RASGRP1: variants seen among roughly 807,000 people sequenced by gnomAD.
RASGRP1 encodes RAS guanyl releasing protein 1, also known as RAS guanyl-releasing protein 1.
Under a neutral mutation model 95.1 loss-of-function variants are expected in RASGRP1, and 37 were observed. The ratio of observed to expected loss-of-function variants is 0.39; its 90% CI spans 0.30 to 0.51. RASGRP1 has a LOEUF of 0.51. Among genes scored for constraint, RASGRP1 ranks in the 20% least tolerant of loss-of-function variants. The pLI, the probability that RASGRP1 is intolerant of heterozygous loss-of-function variation, is 0.80. For missense variants in RASGRP1, 711 were observed against 965.4 expected, an observed-to-expected ratio of 0.74 and a Z score of 3.49; for synonymous variants, 325 against 353.4, an observed-to-expected ratio of 0.92 and a Z score of 0.90.
At chr15:38,523,575 T>C (rs1445451711) in intron 3 of RASGRP1, among the ~76,000 whole-genome samples, 1 of 152,216 alleles carries the variant, frequency 6.6e-6, no homozygotes, top group Non-Finnish European at 1.5e-5. Context: ...ATAGTGTTTA[T>C]AAAACCTACA....
chr15:38,507,818 G>C lies in RASGRP1; in HGVS notation c.1150C>G (p.Leu384Val), dbSNP rs1423199679. 1.9e-6 allele frequency: 3 copies of C among 1,612,998 alleles called. No homozygotes were observed. The highest frequency in any genetic ancestry group is 2.5e-6 in the Non-Finnish European group (3 of 1,179,688). ...EDGKVNVHKL[L>V]ALYNHISELV... ...TCACTGATATGATTGTATAGGGCCA[G>C]TAGCTTATGGACGTTCACTTTCCCG... is the stretch of plus-strand genomic sequence containing the variant. Residue 384 changes from leucine to valine, a missense_variant, in exon 9 of 17, where the codon CTG becomes GTG. This residue lies in a region of RASGRP1 where 491 missense variants were observed against 676.6 expected (regional missense o/e 0.73). Transcript: ENST00000310803.
chr15:38,525,596 C>T (rs183796626), intron 3 of RASGRP1, among the ~76,000 whole-genome samples: 5 of 152,152 alleles, frequency 3.3e-5, no homozygotes, highest in Non-Finnish European at 4.4e-5. Flanking sequence ...TAAGATGAAA[C>T]GCGGGGAATT....
At chr15:38,502,223 T>G in intron 12 of RASGRP1, 89 bp downstream of exon 12, 1 of 891,342 alleles carries the variant, frequency 1.1e-6, no homozygotes, top group Admixed American at 2.5e-5. Context: ...GCAACATATC[T>G]GAGTTTTCAA....
At chr15:38,555,553 G>T (rs1243020949) in intron 2 of RASGRP1, among the ~76,000 whole-genome samples, 1 of 152,190 alleles carries the variant, frequency 6.6e-6, no homozygotes, top group East Asian at 1.9e-4. Flanking sequence ...TGGCTGCTAG[G>T]GGTAGGGGAA....
intron 2 of RASGRP1, among the ~76,000 whole-genome samples, chr15:38,544,407 C>T (rs1893028446): frequency 1.3e-5 from 2 of 152,156 alleles, no homozygotes; most frequent in South Asian, 4.1e-4. Flanking sequence ...GTTTGAATGT[C>T]CCTCCAAAAT....
chr15:38,499,178 C>T, intron 14 of RASGRP1: 1 of 673,592 alleles, frequency 1.5e-6, no homozygotes, highest in Non-Finnish European at 2.7e-6. Flanking sequence ...AAGCAGTATC[C>T]TGATATCTTG....
At chr15:38,511,404 C>T (rs1191213635) in intron 8 of RASGRP1, among the ~76,000 whole-genome samples, 200 bp downstream of exon 8, 1 of 152,164 alleles carries the variant, frequency 6.6e-6, no homozygotes, top group Non-Finnish European at 1.5e-5. Context: ...TGTCTGAGGC[C>T]AGACAAAATC....
rs61759869 is a variant in RASGRP1, at chr15:38,501,278, G to A, written c.1548C>T (p.Leu516=). ...AGGCTGTGATCTCATCCCTGCTGAT[G>A]AGGCCTTCCCTGCCGGCAGATGACC... ...FCVMDKDREG[L]ISRDEITAYF... Residue 516 remains leucine, a synonymous_variant, in exon 13 of 17, where the codon CTC becomes CTT. Transcript: ENST00000310803. The A allele has an allele frequency of 4.1e-3, 6,687 of 1,613,032 alleles. 21 individuals are homozygous for A. Among genetic ancestry groups the A allele is most frequent in the Non-Finnish European group, 5.2e-3 (6,135 of 1,179,294 alleles).
intron 9 of RASGRP1, among the ~76,000 whole-genome samples, chr15:38,507,350 C>T (rs1168961926): frequency 7.0e-6 from 1 of 143,234 alleles, no homozygotes; most frequent in East Asian, 2.2e-4. Context: ...AAATTACTGC[C>T]TGCCCTTTTT....
chr15:38,558,991 C>A (rs1290911981), intron 2 of RASGRP1, among the ~76,000 whole-genome samples: 2 of 151,988 alleles, frequency 1.3e-5, no homozygotes, highest in Non-Finnish European at 2.9e-5. Flanking sequence ...CTCTGCTTCA[C>A]CGTGGGAGAT....
intron 15 of RASGRP1, among the ~76,000 whole-genome samples, chr15:38,495,777 C>A (rs533188593): frequency 2.1e-4 from 32 of 151,900 alleles, no homozygotes; most frequent in Non-Finnish European, 3.2e-4. Context: ...AAAATAATTA[C>A]ATTTTTTTTT....
chr15:38,503,489 T>A lies in RASGRP1; in HGVS notation c.1324-113A>T, dbSNP rs886712900. 20 of 866,524 alleles carry A rather than the reference T, an allele frequency of 2.3e-5. No individual in the cohort carries two copies. In the Admixed American group the frequency reaches 4.3e-4, roughly 19 times the overall value. 53.7% of individuals were successfully genotyped at this position (866,524 alleles called of 1,614,324 possible). ...CATTTATGGACAATCTTCAATTATG[T>A]TCAGTGGCAAGGAGCAGAGAACCCA... is the stretch of plus-strand genomic sequence containing the variant. On this transcript the variant is annotated intron_variant, in intron 10 of 16. Coordinates refer to ENST00000310803, the MANE Select transcript of RASGRP1 (RefSeq NM_005739.4).
chr15:38,509,382 A>C (rs567555118), intron 8 of RASGRP1, among the ~76,000 whole-genome samples: 23 of 152,306 alleles, frequency 1.5e-4, no homozygotes, highest in Admixed American at 9.1e-4. Flanking sequence ...AAAGAATGGA[A>C]TGGGATGGCT....
In RASGRP1 at chr15:38,526,288, T is replaced by A. The variant is rs200224416; in HGVS notation, c.326+11A>T. 3.1e-6 allele frequency: 5 copies of A among 1,604,030 alleles called. No individual in the cohort carries two copies. The highest frequency in any genetic ancestry group is 4.3e-6 in the Non-Finnish European group (5 of 1,171,278). On this transcript the variant is annotated intron_variant, in intron 3 of 16. Transcript: ENST00000310803. Reference sequence around the variant, plus strand: ...CATTTTGGGATTGCCAGTCACTATGTTAAAGGATATAGGGTGATAACTTTT... The same window carrying A: ...CATTTTGGGATTGCCAGTCACTATGATAAAGGATATAGGGTGATAACTTTT...
In RASGRP1 at chr15:38,511,592, A is replaced by G. The variant is rs777863737; in HGVS notation, c.966+12T>C. On this transcript the variant is annotated intron_variant, in intron 8 of 16. Transcript: ENST00000310803. Reference sequence around the variant, plus strand: ...TGCTGCTAAGGGCCCCAGAGAAGACAGTAGCACTGACCTTATTGATTTCAT... The same window carrying G: ...TGCTGCTAAGGGCCCCAGAGAAGACGGTAGCACTGACCTTATTGATTTCAT... 1 of 1,596,318 alleles carries G rather than the reference A, an allele frequency of 6.3e-7. No individual in the cohort carries two copies. Among genetic ancestry groups the G allele is most frequent in the Non-Finnish European group, 8.6e-7 (1 of 1,164,032 alleles).
At chr15:38,554,397 C>G (rs1893464523) in intron 2 of RASGRP1, among the ~76,000 whole-genome samples, 1 of 152,200 alleles carries the variant, frequency 6.6e-6, no homozygotes, top group Non-Finnish European at 1.5e-5. Flanking sequence ...GTCTCCAGCT[C>G]TCTCAGAAGT....
At chr15:38,496,270 A>G (rs1890788294) in intron 15 of RASGRP1, among the ~76,000 whole-genome samples, 1 of 152,196 alleles carries the variant, frequency 6.6e-6, no homozygotes, top group South Asian at 2.1e-4. Context: ...ACTTTATAAT[A>G]ATATAGTAAT....
At chr15:38,509,908 T>C (rs768679604) in intron 8 of RASGRP1, among the ~76,000 whole-genome samples, 9 of 152,094 alleles carry the variant, frequency 5.9e-5, no homozygotes, top group Non-Finnish European at 1.2e-4. Flanking sequence ...CGAAGTACCA[T>C]TTCTCCACAA....
intron 2 of RASGRP1, among the ~76,000 whole-genome samples, chr15:38,554,269 T>A (rs577545323): frequency 6.6e-6 from 1 of 152,104 alleles, no homozygotes; most frequent in Non-Finnish European, 1.5e-5. Context: ...CAATTCTCTA[T>A]TAGTTAAAGG....
Sources: allele counts gnomAD v4.1 joint callset (sites outside exome capture counted in the v4.1 genomes callset), GRCh38; gene constraint gnomAD v4.1.1; regional missense constraint gnomAD v4.1.1; transcripts MANE v1.5; gene names NCBI Gene and HGNC (gene_info 2026-07-23, HGNC 2026-07-21).